Variants in DRC7 observed in about 807,000 individuals in gnomAD.
DRC7 encodes dynein regulatory complex subunit 7, also known as coiled-coil domain containing 135.
A neutral mutation model predicts 104.4 loss-of-function variants in DRC7; 80 were observed. The observed-to-expected ratio is 0.77, with a 90% CI of 0.64 to 0.92. The LOEUF (loss-of-function observed/expected upper bound fraction) is 0.92, where lower values mean the gene tolerates loss of function less well. Ranked by LOEUF, DRC7 falls within the 40% of genes least tolerant of loss-of-function variation. The pLI is 0.00. For synonymous variants in DRC7, 405 were observed against 447.3 expected (o/e 0.91, Z 1.19); for missense variants, 1,034 against 1,141.1 (o/e 0.91, Z 1.35).
chr16:57,717,839 C>A (rs1223849791), intron 8 of DRC7, among the ~76,000 whole-genome samples: 1 of 152,182 alleles, frequency 6.6e-6, no homozygotes, highest in African/African-American at 2.4e-5. Context: ...CCATGCCCGG[C>A]TCTCCACCTG....
chr16:57,726,730 G>A (rs1043780239), intron 14 of DRC7, 102 bp from the exon 15 acceptor site: 3 of 672,516 alleles, frequency 4.5e-6, no homozygotes, highest in Non-Finnish European at 8.0e-6. Flanking sequence ...ACTTGCTCGA[G>A]GTCACACAGC....
rs1396355216 is a variant in DRC7, at chr16:57,698,012, G to A, written c.63G>A (p.Glu21=). 3 of 1,613,794 alleles carry A rather than the reference G, an allele frequency of 1.9e-6. No individual in the cohort carries two copies. Among genetic ancestry groups the A allele is most frequent in the East Asian group, 2.2e-5 (1 of 44,888 alleles). Residue 21 remains glutamate (E), a synonymous_variant, in exon 3 of 19, where the codon GAG becomes GAA. Transcript: ENST00000360716. ...EEEAEREEAA[E]WAEWARMEKM... is the part of the protein sequence containing the mutation. Reference sequence around the variant, plus strand: ...AGGCCGAGCGGGAGGAGGCGGCCGAGTGGGCTGAATGGGCGAGGATGGAGA... The same window carrying A: ...AGGCCGAGCGGGAGGAGGCGGCCGAATGGGCTGAATGGGCGAGGATGGAGA...
At chr16:57,696,208 C>G (rs2048591017) in intron 1 of DRC7, among the ~76,000 whole-genome samples, 1 of 152,166 alleles carries the variant, frequency 6.6e-6, no homozygotes, top group Non-Finnish European at 1.5e-5. Flanking sequence ...GAACAGGGAC[C>G]CCCATAGAAG....
intron 8 of DRC7, chr16:57,714,651 T>C (rs7206382): frequency 0.057 from 10,628 of 187,928 alleles, 679 homozygotes; most frequent in East Asian, 0.24. Flanking sequence ...CACACACACA[T>C]ACATATGCAC....
At chr16:57,700,047 G>T (rs757109263) in intron 4 of DRC7, 98 bp from the exon 5 acceptor site, 1 of 1,420,488 alleles carries the variant, frequency 7.0e-7, no homozygotes, top group Non-Finnish European at 9.6e-7. Context: ...ATTTGCTCAG[G>T]CCTCTAGGGT....
intron 8 of DRC7, among the ~76,000 whole-genome samples, chr16:57,711,684 A>T (rs1031033566): frequency 6.6e-6 from 1 of 152,244 alleles, no homozygotes; most frequent in Non-Finnish European, 1.5e-5. Flanking sequence ...GTAGGAGACC[A>T]GAGTTTTGTT....
intron 14 of DRC7, 166 bp from the exon 15 acceptor site, chr16:57,726,663 TTTA>T (rs2048970287): frequency 3.6e-6 from 2 of 562,656 alleles, no homozygotes; most frequent in South Asian, 4.4e-5. Flanking sequence ...CAGTTCCTCT[TTTA>T]TTATTATCTG....
In DRC7 at chr16:57,698,001, G is replaced by A; in HGVS notation, c.52G>A (p.Glu18Lys). ...GGAGGAGGAGGAGGCCGAGCGGGAG[G>A]AGGCGGCCGAGTGGGCTGAATGGGC... ...VEEEEEAEREEAAEWAEWARM... is the reference protein window; with the variant it reads ...VEEEEEAEREKAAEWAEWARM... Residue 18 changes from glutamate (E) to lysine (K), a missense_variant, in exon 3 of 19, where the codon GAG (glutamate) becomes AAG (lysine). Glu to Lys is a moderately conservative substitution (Grantham distance 56). Transcript: ENST00000360716. 5 of 1,613,736 alleles carry A rather than the reference G, an allele frequency of 3.1e-6. No homozygotes were observed. Among genetic ancestry groups the A allele is most frequent in the East Asian group, 2.2e-5 (1 of 44,876 alleles).
intron 14 of DRC7, chr16:57,726,624 C>T (rs1160797339): frequency 5.4e-6 from 3 of 556,616 alleles, no homozygotes; most frequent in Admixed American, 3.1e-5. Flanking sequence ...CTCACTCTCC[C>T]GGCACAGTCC....
chr16:57,702,012 G>T lies in DRC7; in HGVS notation c.581G>T (p.Cys194Phe). The T allele has an allele frequency of 6.2e-7, 1 of 1,614,186 alleles. No homozygotes were observed. Among genetic ancestry groups the T allele is most frequent in the East Asian group, 2.2e-5 (1 of 44,882 alleles). Residue 194 changes from cysteine (C) to phenylalanine (F), a missense_variant, in exon 6 of 19, where the codon TGC becomes TTC. Transcript: ENST00000360716. Reference protein sequence around the residue: ...GNCFDFSTLLCSMLIGSGYDA... With the variant: ...GNCFDFSTLLFSMLIGSGYDA... ...TGCTTTGACTTCAGTACGCTGCTCT[G>T]CTCCATGCTTATCGGCTCTGGCTAT...
chr16:57,712,976 G>A (rs1003790388), intron 8 of DRC7, among the ~76,000 whole-genome samples: 2 of 151,936 alleles, frequency 1.3e-5, no homozygotes, highest in East Asian at 3.8e-4. Context: ...TTAATTCATG[G>A]GCCATTTGAA....
At chr16:57,714,799 C>A in intron 8 of DRC7, 1 of 381,460 alleles carries the variant, frequency 2.6e-6, no homozygotes. Context: ...CAGCCATGGG[C>A]TTGCTGGTGG....
chr16:57,712,880 T>C (rs1394793560), intron 8 of DRC7, among the ~76,000 whole-genome samples: 1 of 152,194 alleles, frequency 6.6e-6, no homozygotes, highest in Non-Finnish European at 1.5e-5. Flanking sequence ...AGTACTACTT[T>C]AGTGACATCC....
In DRC7 at chr16:57,728,451, C is replaced by A; in HGVS notation, c.2258C>A (p.Pro753Gln). 6.2e-7 allele frequency: 1 copy of A among 1,612,220 alleles called. No individual in the cohort carries two copies. Among genetic ancestry groups the A allele is most frequent in the Non-Finnish European group, 8.5e-7 (1 of 1,179,692 alleles). ...GAGACCCAGCTGGACTACCTGGCCC[C>A]ATTCCTGGCCCAGCTCCCGCCAGGA... The part of the protein sequence containing the change: ...QVETQLDYLA[P>Q]FLAQLPPGEK... Residue 753 changes from proline (P) to glutamine (Q), a missense_variant, in exon 17 of 19, where the codon CCA becomes CAA. Pro to Gln is a moderately conservative substitution (Grantham distance 76). Coordinates refer to ENST00000360716, the MANE Select transcript of DRC7 (RefSeq NM_001289162.2).
intron 9 of DRC7, among the ~76,000 whole-genome samples, chr16:57,718,907 T>C (rs567332363): frequency 6.6e-6 from 1 of 152,126 alleles, no homozygotes; most frequent in East Asian, 1.9e-4. Flanking sequence ...GAGGATCACT[T>C]GAGACTGGGA....
chr16:57,701,781 G>T (rs1180633262), intron 5 of DRC7, 155 bp from the exon 6 acceptor site: 2 of 607,306 alleles, frequency 3.3e-6, no homozygotes. Context: ...TTCTTAGCAG[G>T]CTCCCTGACC....
chr16:57,719,249 C>T (rs1305597199), intron 9 of DRC7, among the ~76,000 whole-genome samples: 4 of 152,174 alleles, frequency 2.6e-5, no homozygotes, highest in Middle Eastern at 3.2e-3. Context: ...GCAGAAGGAT[C>T]ATAGTTGTAT....
rs1486554585 is a variant in DRC7, at chr16:57,726,100, G to A, written c.1791G>A (p.Ala597=). The A allele has an allele frequency of 1.3e-5, 21 of 1,613,222 alleles. No homozygotes were observed. The highest frequency in any genetic ancestry group is 6.7e-5 in the African/African-American group (5 of 74,940). The change falls in exon 14 of 19, where the codon GCG becomes GCA. Residue 597 remains alanine, a synonymous_variant. Coordinates refer to ENST00000360716, the MANE Select transcript of DRC7 (RefSeq NM_001289162.2). ...KITERFFRNP[A]KPAEEDVAER... ...CAGAGCGGTTCTTCCGCAACCCAGC[G>A]AAGCCCGCGGAGGAGGACGTGGCAG...
At chr16:57,707,732 G>T (rs1472219036) in intron 8 of DRC7, 54 bp downstream of exon 8, 2 of 1,518,760 alleles carry the variant, frequency 1.3e-6, no homozygotes, top group Non-Finnish European at 9.0e-7. Flanking sequence ...CAGGTGATAG[G>T]AATAGAGGGA....
Sources: gnomAD v4.1 joint callset for allele counts (sites outside exome capture counted in the v4.1 genomes callset) on GRCh38, gnomAD v4.1.1 for gene constraint, MANE v1.5 for transcripts, NCBI Gene and HGNC (gene_info 2026-07-23, HGNC 2026-07-21) for gene names.